The following PCDHGB2 variants were observed in gnomAD, a reference collection of about 807,000 sequenced individuals.
PCDHGB2 encodes protocadherin gamma subfamily B, 2.
Under a neutral mutation model 59.3 loss-of-function variants are expected in PCDHGB2, and 55 were observed. That is an observed-to-expected ratio of 0.93 (90% confidence interval 0.75 to 1.16). The LOEUF is 1.16. PCDHGB2 is among the 50% of genes most tolerant of loss of function. The probability of loss-of-function intolerance (pLI) is 0.00; values close to 1 mark genes in which losing one functional copy is unlikely to be tolerated. For missense variants in PCDHGB2, 1,228 were observed against 1,198.5 expected, an observed-to-expected ratio of 1.02 and a Z score of -0.36; for synonymous variants, 516 against 512.0, an observed-to-expected ratio of 1.01 and a Z score of -0.11.
intron 1 of PCDHGB2, chr5:141,394,510 C>A (rs371348730): frequency 3.1e-6 from 5 of 1,614,216 alleles, no homozygotes; most frequent in Non-Finnish European, 3.4e-6. Context: ...CTGTACCCCG[C>A]CCTCCCCACA....
chr5:141,380,369 A>G (rs1776432009), intron 1 of PCDHGB2, among the ~76,000 whole-genome samples: 1 of 152,238 alleles, frequency 6.6e-6, no homozygotes, highest in Non-Finnish European at 1.5e-5. Context: ...TAGAAAAAAA[A>G]GTCCCAAAAA....
At chr5:141,499,908 G>A (rs903753761) in intron 2 of PCDHGB2, among the ~76,000 whole-genome samples, 2 of 151,980 alleles carry the variant, frequency 1.3e-5, no homozygotes, top group African/African-American at 2.4e-5. Flanking sequence ...GGCTGGTCTT[G>A]AACTCCTGGC....
chr5:141,412,983 G>A (rs1372992044), intron 1 of PCDHGB2: 1 of 557,334 alleles, frequency 1.8e-6, no homozygotes, highest in Admixed American at 3.6e-5. Context: ...CGCAGCCAGA[G>A]CTCAATCCGG....
At chr5:141,367,010 A>G (rs917201512) in intron 1 of PCDHGB2, 9 of 419,880 alleles carry the variant, frequency 2.1e-5, no homozygotes, top group Admixed American at 8.4e-5. Flanking sequence ...TTTTACCCAA[A>G]TATTTTGTTA....
chr5:141,376,711 G>A lies in PCDHGB2; in HGVS notation c.2421+14155G>A, dbSNP rs1369731526. 2.9e-5 allele frequency: 18 copies of A among 622,360 alleles called. No homozygotes were observed. The South Asian group carries it at 3.6e-4, about 12-fold the overall frequency. 38.6% of individuals were successfully genotyped at this position (622,360 alleles called of 1,614,324 possible). On this transcript the variant is annotated intron_variant, in intron 1 of 3. Coordinates refer to ENST00000522605, the MANE Select transcript of PCDHGB2 (RefSeq NM_018923.3). ...TTTTTTTTTTTTGAGACGGAGTCTC[G>A]CTCTGTCGCCCAGGCCGGACTGCGG...
intron 1 of PCDHGB2, among the ~76,000 whole-genome samples, chr5:141,429,377 GT>G (rs566693637): frequency 1.3e-4 from 20 of 149,526 alleles, no homozygotes; most frequent in South Asian, 8.5e-4. Flanking sequence ...GAGAAAATGT[GT>G]TTTTTTTTTA....
rs749415234 is a variant in PCDHGB2 at position 141,419,462 on chromosome 5, C to G, written c.2421+56906C>G. 9 of 1,612,582 alleles carry G rather than the reference C, an allele frequency of 5.6e-6. 1 individual carries two copies. The highest frequency in any genetic ancestry group is 1.7e-5 in the Admixed American group (1 of 59,984). On this transcript the variant is annotated intron_variant, in intron 1 of 3. Transcript: ENST00000522605. ...CACCTTCGAGCTCACGCTGCAGGCC[C>G]GCGACCAGGGCTCGCCCGCGCTCAG... is the stretch of plus-strand genomic sequence containing the variant.
At chr5:141,409,690 A>G in intron 1 of PCDHGB2, 1 of 1,613,354 alleles carries the variant, frequency 6.2e-7, no homozygotes. Flanking sequence ...CGAGTGACCT[A>G]GAGCCCCTGG....
At chr5:141,373,945 C>A in intron 1 of PCDHGB2, 1 of 765,672 alleles carries the variant, frequency 1.3e-6, no homozygotes, top group Non-Finnish European at 1.9e-6. Flanking sequence ...GAAAGCTGTG[C>A]AGAAATTCTG....
In PCDHGB2 at chr5:141,432,725, G is replaced by T; in HGVS notation, c.2422-62082G>T. The T allele has an allele frequency of 6.2e-7, 1 of 1,614,014 alleles. No individual in the cohort carries two copies. On this transcript the variant is annotated intron_variant, in intron 1 of 3. Coordinates refer to ENST00000522605, the MANE Select transcript of PCDHGB2 (RefSeq NM_018923.3). The surrounding 1 kb of genome is among the most constrained non-coding windows in gnomAD (Gnocchi z 6.0). ...GGACCACGGCCAGCCCCCTCTCTCC[G>T]CCACTGTCACGCTCACCGTGGCCGT...
rs1271916110 is a variant in PCDHGB2, at chr5:141,394,787, C to T, written c.2421+32231C>T. 11 of 1,613,632 alleles carry T rather than the reference C, an allele frequency of 6.8e-6. 1 individual carries two copies. The highest frequency in any genetic ancestry group is 9.3e-6 in the Non-Finnish European group (11 of 1,180,016). On this transcript the variant is annotated intron_variant, in intron 1 of 3. Transcript: ENST00000522605. ...GCCAGCCCCCTCTCTCCGCCACTGT[C>T]ACGCTCACCGTAGCCGTGGCTGACA... is the stretch of plus-strand genomic sequence containing the variant.
At chr5:141,445,890 T>A (rs1435563284) in intron 1 of PCDHGB2, among the ~76,000 whole-genome samples, 1 of 152,210 alleles carries the variant, frequency 6.6e-6, no homozygotes, top group Non-Finnish European at 1.5e-5. Flanking sequence ...ACTTAGGAGC[T>A]ATTAAAATAT....
chr5:141,431,297 C>T lies in PCDHGB2; in HGVS notation c.2422-63510C>T. The T allele has an allele frequency of 6.2e-7, 1 of 1,614,126 alleles. No homozygotes were observed. The highest frequency in any genetic ancestry group is 8.5e-7 in the Non-Finnish European group (1 of 1,180,036). Reference sequence around the variant, plus strand: ...GCTCAGCCCGAACACTCACTTCTCCCTCATCGTGCAAAATGGAGCCGACGG... The same window carrying T: ...GCTCAGCCCGAACACTCACTTCTCCTTCATCGTGCAAAATGGAGCCGACGG... On this transcript the variant is annotated intron_variant, in intron 1 of 3. Coordinates refer to ENST00000522605, the MANE Select transcript of PCDHGB2 (RefSeq NM_018923.3). This position sits in a 1 kb window ranked among gnomAD's most constrained non-coding sequence, Gnocchi z 4.8.
chr5:141,404,075 G>C (rs2154534954), intron 1 of PCDHGB2: 2 of 1,613,660 alleles, frequency 1.2e-6, no homozygotes, highest in East Asian at 2.2e-5. Flanking sequence ...TCATGACCGA[G>C]ACTCCGGGAA....
intron 1 of PCDHGB2, among the ~76,000 whole-genome samples, chr5:141,481,692 G>A (rs1231630072): frequency 3.3e-5 from 5 of 152,020 alleles, no homozygotes; most frequent in East Asian, 1.9e-4. Context: ...GGTGGCTCAC[G>A]CCTGTAATCC....
chr5:141,491,434 A>G lies in PCDHGB2; in HGVS notation c.2422-3373A>G, dbSNP rs1362196179. The G allele has an allele frequency of 6.2e-7, 1 of 1,614,032 alleles. No individual in the cohort carries two copies. ...GGACGGGGGTGGAGGGCAGTGCTGC[A>G]GGCGCCAGGACTCACCCTCCCCGGA... On this transcript the variant is annotated intron_variant, in intron 1 of 3. Coordinates refer to ENST00000522605, the MANE Select transcript of PCDHGB2 (RefSeq NM_018923.3). The surrounding 1 kb of genome is among the most constrained non-coding windows in gnomAD (Gnocchi z 6.9).
intron 2 of PCDHGB2, among the ~76,000 whole-genome samples, chr5:141,501,877 A>G (rs1267260445): frequency 1.3e-5 from 2 of 151,690 alleles, no homozygotes; most frequent in East Asian, 3.9e-4. Flanking sequence ...GCCTCCTTAC[A>G]CTCCTGATCA....
intron 1 of PCDHGB2, chr5:141,433,208 C>CT (rs745329085): frequency 0.022 from 27,155 of 1,216,152 alleles, no homozygotes; most frequent in Non-Finnish European, 0.026. Flanking sequence ...AATCTTCTTT[C>CT]TTTTTTTTTT....
Position 141,491,498 on chromosome 5 carries a change from C to G in PCDHGB2, c.2422-3309C>G. Reference sequence around the variant, plus strand: ...TCCAGCCCCAACCTGCAGGTGAGCTCGGACGGCACGCTCAAGTACATGGAG... The same window carrying G: ...TCCAGCCCCAACCTGCAGGTGAGCTGGGACGGCACGCTCAAGTACATGGAG... On this transcript the variant is annotated intron_variant, in intron 1 of 3. Transcript: ENST00000522605. The surrounding 1 kb of genome is among the most constrained non-coding windows in gnomAD (Gnocchi z 6.9). The G allele has an allele frequency of 6.2e-7, 1 of 1,614,102 alleles. No homozygotes were observed. Among genetic ancestry groups the G allele is most frequent in the Non-Finnish European group, 8.5e-7 (1 of 1,180,018 alleles).
Sources: allele counts gnomAD v4.1 joint callset (sites outside exome capture counted in the v4.1 genomes callset), GRCh38; gene constraint gnomAD v4.1.1; non-coding constraint Gnocchi (gnomAD v3.1); transcripts MANE v1.5; gene names NCBI Gene and HGNC (gene_info 2026-07-23, HGNC 2026-07-21).